The following BMPER variants were observed in gnomAD, a reference collection of about 807,000 sequenced individuals.
The protein encoded by BMPER is BMP-binding endothelial regulator protein.
A neutral mutation model predicts 87.3 loss-of-function variants in BMPER; 45 were observed. The observed-to-expected ratio is 0.52, with a 90% CI of 0.41 to 0.66. The LOEUF is 0.66. BMPER is among the 30% of genes least tolerant of loss of function. The pLI, the probability that BMPER is intolerant of heterozygous loss-of-function variation, is 0.00. For synonymous variants in BMPER, 326 were observed against 316.2 expected (o/e 1.03, Z -0.33); for missense variants, 784 against 867.5 (o/e 0.90, Z 1.21).
At chr7:34,064,012 C>T (rs1481323178) in intron 11 of BMPER, among the ~76,000 whole-genome samples, 2 of 152,248 alleles carry the variant, frequency 1.3e-5, no homozygotes. Flanking sequence ...ACCAGCCAGG[C>T]GCAGTGCCTT....
intron 6 of BMPER, among the ~76,000 whole-genome samples, chr7:33,989,205 T>C (rs1199931662): frequency 7.3e-6 from 1 of 137,670 alleles, no homozygotes; most frequent in Non-Finnish European, 1.5e-5. Context: ...ACTTCCACAA[T>C]AGTTGAACTA....
chr7:34,092,325 TC>T (rs1789408322), intron 13 of BMPER, among the ~76,000 whole-genome samples: 1 of 152,164 alleles, frequency 6.6e-6, no homozygotes, highest in Non-Finnish European at 1.5e-5. Flanking sequence ...AATTCACAAG[TC>T]TCTTGGACCC....
chr7:34,057,982 A>G (rs1788328430), intron 9 of BMPER, 77 bp from the exon 10 acceptor site: 36 of 1,306,242 alleles, frequency 2.8e-5, no homozygotes, highest in Non-Finnish European at 3.8e-5. Flanking sequence ...GCTTTCCTCC[A>G]TGGAGAGGTT....
chr7:34,145,503 C>T (rs908293426), intron 14 of BMPER, among the ~76,000 whole-genome samples: 1 of 152,168 alleles, frequency 6.6e-6, no homozygotes, highest in African/African-American at 2.4e-5. Context: ...AAATGGTCCA[C>T]CTCTAACCTA....
At position 34,155,743 on chromosome 7, in the gene BMPER, C is replaced by G. The variant is rs1791290478; in HGVS notation, c.*2470C>G. 6.6e-6 allele frequency: 1 copy of G among 152,168 alleles called. No homozygotes were observed. Among genetic ancestry groups the G allele is most frequent in the Non-Finnish European group, 1.5e-5 (1 of 68,032 alleles). 9.4% of individuals were successfully genotyped at this position (152,168 alleles called of 1,614,324 possible). A position where few individuals can be genotyped will look rare whatever the true frequency, so the allele number is the denominator to read the frequency against. ...AATGGCTTAGTCTAATGATTGGGCA[C>G]AATGAGGATTTACCAAGTGCTTCAA... On this transcript the variant is annotated 3_prime_UTR_variant, in exon 15 of 15. Transcript: ENST00000649409.
intron 3 of BMPER, among the ~76,000 whole-genome samples, chr7:33,956,123 G>A (rs531238754): frequency 3.7e-4 from 57 of 152,180 alleles, no homozygotes; most frequent in Middle Eastern, 3.4e-3. Context: ...ATGGAAAACT[G>A]TAAAACTCGT....
chr7:34,060,251 C>T (rs1158204532), intron 10 of BMPER, among the ~76,000 whole-genome samples: 4 of 151,984 alleles, frequency 2.6e-5, no homozygotes, highest in South Asian at 2.1e-4. Context: ...AAGTTTCCAC[C>T]GAGATGTGGA....
chr7:34,089,583 G>A (rs545896627), intron 13 of BMPER, among the ~76,000 whole-genome samples: 3 of 152,108 alleles, frequency 2.0e-5, no homozygotes, highest in Non-Finnish European at 2.9e-5. Flanking sequence ...CCACAGGTTC[G>A]AATGATGCTC....
At chr7:34,065,192 C>T (rs888401008) in intron 11 of BMPER, among the ~76,000 whole-genome samples, 2 of 149,046 alleles carry the variant, frequency 1.3e-5, no homozygotes, top group East Asian at 4.0e-4. Context: ...CACACACACA[C>T]ATACACACTC....
At chr7:33,977,737 T>C (rs1785725705) in intron 6 of BMPER, among the ~76,000 whole-genome samples, 1 of 152,194 alleles carries the variant, frequency 6.6e-6, no homozygotes, top group Non-Finnish European at 1.5e-5. Flanking sequence ...TCTATATCTG[T>C]AATTGCATGT....
chr7:33,958,435 G>A (rs1785197282), intron 3 of BMPER, among the ~76,000 whole-genome samples: 1 of 152,180 alleles, frequency 6.6e-6, no homozygotes, highest in South Asian at 2.1e-4. Flanking sequence ...TTAGAACAGA[G>A]TTCAAACATA....
In BMPER at chr7:34,115,001, G is replaced by A. The variant is rs140894433; in HGVS notation, c.1746-28229G>A. 7.2e-5 allele frequency among the ~76,000 whole-genome samples: 11 copies of A among 152,314 alleles called. No individual in the cohort carries two copies. The East Asian group carries it at 1.2e-3, about 16-fold the overall frequency. ...TGTTTTTAAAAAGAATATTCAATTA[G>A]CAATTACCAAGTAATAAAATAATTC... On this transcript the variant is annotated intron_variant, in intron 13 of 14. Coordinates refer to ENST00000649409, the MANE Select transcript of BMPER (RefSeq NM_001365308.1).
intron 13 of BMPER, among the ~76,000 whole-genome samples, chr7:34,129,630 G>GAAAGAAAGAAAGAAAGAA (rs1336596665): frequency 8.3e-4 from 47 of 56,300 alleles, no homozygotes; most frequent in Non-Finnish European, 1.1e-3. Context: ...GAGAGAAAGA[G>GAAAGAAAGAAAGAAAGAA]AGAAAGAAAG....
chr7:34,044,987 G>A (rs1219897094), intron 6 of BMPER, among the ~76,000 whole-genome samples: 1 of 152,156 alleles, frequency 6.6e-6, no homozygotes, highest in Non-Finnish European at 1.5e-5. Context: ...AGTGGGGAAG[G>A]TGTGAGGAAA....
At chr7:34,071,268 A>T (rs911500835) in intron 11 of BMPER, among the ~76,000 whole-genome samples, 2 of 152,220 alleles carry the variant, frequency 1.3e-5, no homozygotes. Context: ...CATTTATAAT[A>T]AGCAAATGAA....
chr7:34,058,675 C>G (rs2127963687), intron 10 of BMPER, among the ~76,000 whole-genome samples: 1 of 152,316 alleles, frequency 6.6e-6, no homozygotes, highest in African/African-American at 2.4e-5. Context: ...GAAATAGCAT[C>G]CTTATGGAAA....
chr7:34,008,753 G>A (rs1786802143), intron 6 of BMPER, among the ~76,000 whole-genome samples: 1 of 151,908 alleles, frequency 6.6e-6, no homozygotes, highest in Non-Finnish European at 1.5e-5. Flanking sequence ...TATCATGCAC[G>A]GGACTGGCTT....
intron 14 of BMPER, among the ~76,000 whole-genome samples, chr7:34,146,274 C>T (rs565640162): frequency 6.6e-6 from 1 of 152,192 alleles, no homozygotes; most frequent in South Asian, 2.1e-4. Context: ...AGAAATCTTC[C>T]AGAGCAAAAA....
chr7:34,083,897 C>T (rs11974791), intron 12 of BMPER, among the ~76,000 whole-genome samples: 3,996 of 151,374 alleles, frequency 0.026, 185 homozygotes, highest in African/African-American at 0.092. Flanking sequence ...CTTGATCTTT[C>T]AGGAACAAAA....
Sources: gnomAD v4.1 joint callset for allele counts (sites outside exome capture counted in the v4.1 genomes callset) on GRCh38, gnomAD v4.1.1 for gene constraint, MANE v1.5 for transcripts, NCBI Gene and HGNC (gene_info 2026-07-23, HGNC 2026-07-21) for gene names.